The following MYO1C variants were observed in gnomAD, a reference collection of about 807,000 sequenced individuals.
MYO1C encodes the protein myosin IC.
Under a neutral mutation model 150.8 loss-of-function variants are expected in MYO1C, and 104 were observed. That is an observed-to-expected ratio of 0.69 (90% CI 0.59 to 0.81). The LOEUF (loss-of-function observed/expected upper bound fraction) is 0.81. Among genes scored for constraint, MYO1C ranks in the 30% least tolerant of loss-of-function variants. MYO1C has a pLI of 0.00. For synonymous variants in MYO1C, 663 were observed against 579.9 expected (o/e 1.14, Z -2.06); for missense variants, 1,504 against 1,435.0 (o/e 1.05, Z -0.78).
chr17:1,478,871 G>A lies in MYO1C; in HGVS notation c.1093-136C>T, dbSNP rs1220287237. 1.4e-6 allele frequency: 2 copies of A among 1,399,724 alleles called. No individual in the cohort carries two copies. The highest frequency in any genetic ancestry group is 2.0e-6 in the Non-Finnish European group (2 of 1,021,956). The allele number at this position is 1,399,724 out of a possible 1,614,324, so 86.7% of individuals were successfully genotyped here. ...CAGCAAGCCTGCAGTATGGGGAGGG[G>A]TGCTGGTAGTGGGACCTCAGGGAGG... On this transcript the variant is annotated intron_variant, in intron 9 of 31. Coordinates refer to ENST00000648651, the MANE Select transcript of MYO1C (RefSeq NM_001080779.2). The surrounding 1 kb of genome is among the most constrained non-coding windows in gnomAD (Gnocchi z 6.3).
At chr17:1,471,819 G>A (rs2074309049) in intron 19 of MYO1C, 88 bp downstream of exon 19, 28 of 1,397,114 alleles carry the variant, frequency 2.0e-5, no homozygotes, top group Non-Finnish European at 2.8e-5. Flanking sequence ...CTAAAATGGG[G>A]CCGAGAACCC....
intron 24 of MYO1C, 72 bp downstream of exon 24, chr17:1,470,103 T>G: frequency 6.8e-7 from 1 of 1,477,758 alleles, no homozygotes; most frequent in Non-Finnish European, 9.2e-7. Context: ...ACCAATCCTT[T>G]GGCCCGAAGA....
chr17:1,478,471 G>T lies in MYO1C; in HGVS notation c.1234C>A (p.Arg412=). The part of the protein sequence containing the change: ...ASKDVESPSW[R]STTVLGLLDI... ...AGGAGCCCGAGAACCGTGGTGCTCCGCCAGCTGGGGCTCTCCACGTCCTAG... is the reference window on the plus strand; with the variant it reads ...AGGAGCCCGAGAACCGTGGTGCTCCTCCAGCTGGGGCTCTCCACGTCCTAG... Residue 412 remains arginine (R), a synonymous_variant, in exon 11 of 32, where the codon CGG becomes AGG. Transcript: ENST00000648651. This position sits in a 1 kb window ranked among gnomAD's most constrained non-coding sequence, Gnocchi z 6.3. 1 of 1,614,152 alleles carries T rather than the reference G, an allele frequency of 6.2e-7. No homozygotes were observed. The highest frequency in any genetic ancestry group is 8.5e-7 in the Non-Finnish European group (1 of 1,180,046).
Position 1,479,561 on chromosome 17 carries a change from C to G in MYO1C, c.1020+31G>C. 1.5e-6 allele frequency: 2 copies of G among 1,351,842 alleles called. No homozygotes were observed. Among genetic ancestry groups the G allele is most frequent in the Non-Finnish European group, 2.1e-6 (2 of 952,774 alleles). 83.7% of individuals were successfully genotyped at this position (1,351,842 alleles called of 1,614,324 possible). ...CACCCCCAGCCCCCGCCCCCGCCGT[C>G]CTCCCGTCGCCCTCTGCCCGCCCCA... On this transcript the variant is annotated intron_variant, in intron 8 of 31. Coordinates refer to ENST00000648651, the MANE Select transcript of MYO1C (RefSeq NM_001080779.2). This position sits in a 1 kb window ranked among gnomAD's most constrained non-coding sequence, Gnocchi z 4.2.
chr17:1,488,912 T>A (rs2074697944), intron 1 of MYO1C, among the ~76,000 whole-genome samples: 1 of 152,162 alleles, frequency 6.6e-6, no homozygotes, highest in Non-Finnish European at 1.5e-5. Context: ...ACCTGGGCTA[T>A]CTAGTGCCCT....
Position 1,471,222 on chromosome 17 carries a change from C to T in MYO1C, c.2135+1G>A. 6.2e-7 allele frequency: 1 copy of T among 1,613,988 alleles called. No individual in the cohort carries two copies. The highest frequency in any genetic ancestry group is 8.5e-7 in the Non-Finnish European group (1 of 1,179,964). On this transcript the variant is annotated splice_donor_variant, in intron 20 of 31. Coordinates refer to ENST00000648651, the MANE Select transcript of MYO1C (RefSeq NM_001080779.2). LOFTEE classifies it high-confidence loss of function. ...AGGCACCCGGCACGGACACTACCCACCTGCCCATCTTGTACTCTTCTGGCT... is the reference window on the plus strand; with the variant it reads ...AGGCACCCGGCACGGACACTACCCATCTGCCCATCTTGTACTCTTCTGGCT...
At chr17:1,483,762 G>A (rs1411055291) in intron 2 of MYO1C, 37 bp from the exon 3 acceptor site, 1 of 1,509,554 alleles carries the variant, frequency 6.6e-7, no homozygotes, top group Non-Finnish European at 9.1e-7. Flanking sequence ...GTTTATCCCG[G>A]GCCAGGTGCG....
chr17:1,479,677 A>G lies in MYO1C; in HGVS notation c.935T>C (p.Leu312Pro). ...EDLLSIVASV[L>P]HLGNIHFAAN... ...AGCAAAGTGGATGTTGCCCAAATGAAGGACGCTGGCCACGATGCTCAGCAG... is the reference window on the plus strand; with the variant it reads ...AGCAAAGTGGATGTTGCCCAAATGAGGGACGCTGGCCACGATGCTCAGCAG... Residue 312 changes from leucine (L) to proline (P), a missense_variant, in exon 8 of 32, where the codon CTT (leucine) becomes CCT (proline). Leu to Pro is a moderately conservative substitution (Grantham distance 98, BLOSUM62 -3). Coordinates refer to ENST00000648651, the MANE Select transcript of MYO1C (RefSeq NM_001080779.2). This position sits in a 1 kb window ranked among gnomAD's most constrained non-coding sequence, Gnocchi z 4.2. The G allele has an allele frequency of 6.2e-7, 1 of 1,613,096 alleles. No homozygotes were observed. The highest frequency in any genetic ancestry group is 8.5e-7 in the Non-Finnish European group (1 of 1,179,686).
rs199852592 is a variant in MYO1C, at chr17:1,479,483, G to A, written c.1040C>T (p.Ser347Leu). The A allele has an allele frequency of 3.7e-5, 56 of 1,521,956 alleles. 1 individual carries two copies. The African/African-American group carries it at 6.2e-4, about 17-fold the overall frequency. 94.3% of individuals were successfully genotyped at this position (1,521,956 alleles called of 1,614,324 possible). A position where few individuals can be genotyped will look rare whatever the true frequency, so the allele number is the denominator to read the frequency against. Reference protein sequence around the residue: ...YLTRLLSVEGSTLREALTHRK... With the variant: ...YLTRLLSVEGLTLREALTHRK... ...GTGTGTCAGGGCTTCTCGCAGCGTC[G>A]AGCCTTCCACGCTGAGGAGCTGCCA... is the stretch of plus-strand genomic sequence containing the variant. The change falls in exon 9 of 32, where the codon TCG (serine) becomes TTG (leucine). Residue 347 changes from serine to leucine, a missense_variant. Ser to Leu is a moderately radical substitution (Grantham distance 145). Coordinates refer to ENST00000648651, the MANE Select transcript of MYO1C (RefSeq NM_001080779.2). The surrounding 1 kb of genome is among the most constrained non-coding windows in gnomAD (Gnocchi z 4.2).
At chr17:1,486,704 CG>C (rs1315277703) in intron 1 of MYO1C, among the ~76,000 whole-genome samples, 1 of 152,080 alleles carries the variant, frequency 6.6e-6, no homozygotes, top group Admixed American at 6.5e-5. Flanking sequence ...TTAGTAGAGA[CG>C]GGGTTTTACC....
chr17:1,479,726 C>G lies in MYO1C; in HGVS notation c.907-21G>C, dbSNP rs1364327480. ...AGGTCCTGGGGGAGCAGGCCGGGGGCAGGAGGGGGTGAGAGGGGCCAGAGA... is the reference window on the plus strand; with the variant it reads ...AGGTCCTGGGGGAGCAGGCCGGGGGGAGGAGGGGGTGAGAGGGGCCAGAGA... On this transcript the variant is annotated intron_variant, in intron 7 of 31. Transcript: ENST00000648651. The surrounding 1 kb of genome is among the most constrained non-coding windows in gnomAD (Gnocchi z 4.2). The G allele has an allele frequency of 2.5e-6, 4 of 1,581,594 alleles. No individual in the cohort carries two copies. Among genetic ancestry groups the G allele is most frequent in the Non-Finnish European group, 3.4e-6 (4 of 1,159,460 alleles).
At position 1,467,275 on chromosome 17, in the gene MYO1C, G is replaced by C. The variant is rs558540787; in HGVS notation, c.3132C>G (p.Leu1044=). The change falls in exon 31 of 32, where the codon CTC becomes CTG. Residue 1044 remains leucine, a synonymous_variant. Coordinates refer to ENST00000648651, the MANE Select transcript of MYO1C (RefSeq NM_001080779.2). Reference sequence around the variant, plus strand: ...GGTGCCCGTTCTTGGCCTTGGTGATGAGCAGCTCCGAGCCGGGTGTGAAGT... The same window carrying C: ...GGTGCCCGTTCTTGGCCTTGGTGATCAGCAGCTCCGAGCCGGGTGTGAAGT... ...TIDFTPGSEL[L]ITKAKNGHLA... 1.5e-5 allele frequency: 25 copies of C among 1,613,526 alleles called. No individual in the cohort carries two copies. In the South Asian group the frequency reaches 2.7e-4, roughly 18 times the overall value.
At chr17:1,467,175 C>G in intron 31 of MYO1C, 67 bp downstream of exon 31, 1 of 1,465,924 alleles carries the variant, frequency 6.8e-7, no homozygotes, top group Non-Finnish European at 9.3e-7. Context: ...TGGGCTCTGC[C>G]AAGCACAGCC....
At chr17:1,471,696 C>G (rs879710781) in intron 19 of MYO1C, among the ~76,000 whole-genome samples, 2 of 152,288 alleles carry the variant, frequency 1.3e-5, no homozygotes, top group Admixed American at 6.5e-5. Context: ...ACCGGGTGCT[C>G]CTGGAGGGCA....
Position 1,483,639 on chromosome 17 carries a change from G to A in MYO1C, c.318C>T (p.Gly106=), listed in dbSNP as rs1265814858. 5.0e-6 allele frequency: 8 copies of A among 1,612,254 alleles called. No individual in the cohort carries two copies. The highest frequency in any genetic ancestry group is 2.7e-5 in the African/African-American group (2 of 74,886). ...YSRQHMERYR[G]VSFYEVPPHL... ...GAGGGGGCACTTCATAGAAGCTGACGCCACGGTAACGCTCCATATGCTGCC... is the reference window on the plus strand; with the variant it reads ...GAGGGGGCACTTCATAGAAGCTGACACCACGGTAACGCTCCATATGCTGCC... Residue 106 remains glycine (G), a synonymous_variant, in exon 3 of 32, where the codon GGC becomes GGT. Coordinates refer to ENST00000648651, the MANE Select transcript of MYO1C (RefSeq NM_001080779.2).
chr17:1,478,071 C>A lies in MYO1C; in HGVS notation c.1401+16G>T. On this transcript the variant is annotated intron_variant, in intron 12 of 31. Coordinates refer to ENST00000648651, the MANE Select transcript of MYO1C (RefSeq NM_001080779.2). This position sits in a 1 kb window ranked among gnomAD's most constrained non-coding sequence, Gnocchi z 6.3. The stretch of plus-strand genomic sequence containing the variant: ...TCCCCGTGGCCCACGGAGAGTGCCC[C>A]CAGGCTAGCACACACCGCGATGCCC... 1 of 1,613,874 alleles carries A rather than the reference C, an allele frequency of 6.2e-7. No individual in the cohort carries two copies. The highest frequency in any genetic ancestry group is 8.5e-7 in the Non-Finnish European group (1 of 1,179,854).
At position 1,468,052 on chromosome 17, in the gene MYO1C, G is replaced by C. The variant is rs146947050; in HGVS notation, c.2832C>G (p.Pro944=). ...CGTCCTCCACGATGACGACGGCGTT[G>C]GGCGTGAGCAGCAGCTGCCGGGAGC... ...KPRSRQLLLT[P]NAVVIVEDAK... The change falls in exon 28 of 32, where the codon CCC becomes CCG. Residue 944 remains proline, a synonymous_variant. Transcript: ENST00000648651. 63 of 1,613,146 alleles carry C rather than the reference G, an allele frequency of 3.9e-5. No individual in the cohort carries two copies. The African/African-American group carries it at 7.6e-4, about 20-fold the overall frequency.
rs561757667 is a variant in MYO1C, at chr17:1,468,481, C to G, written c.2626G>C (p.Val876Leu). Reference protein sequence around the residue: ...EWKQQLQQKAVASEIFKGKKD... With the variant: ...EWKQQLQQKALASEIFKGKKD... ...TTGCCCTTGAAGATCTCACTAGCCA[C>G]GGCCTTCTGCTGCAGCTGAGGAGAC... Residue 876 changes from valine (V) to leucine (L), a missense_variant, in exon 26 of 32, where the codon GTG (valine) becomes CTG (leucine). By Grantham distance (32) the Val-to-Leu change is conservative. Transcript: ENST00000648651. 1 of 1,613,696 alleles carries G rather than the reference C, an allele frequency of 6.2e-7. No individual in the cohort carries two copies. Among genetic ancestry groups the G allele is most frequent in the Non-Finnish European group, 8.5e-7 (1 of 1,179,812 alleles).
At chr17:1,486,664 C>T (rs568019435) in intron 1 of MYO1C, among the ~76,000 whole-genome samples, 4 of 152,242 alleles carry the variant, frequency 2.6e-5, no homozygotes, top group Non-Finnish European at 4.4e-5. Context: ...TACAGGCGTG[C>T]GCCACCACAC....
Sources: gnomAD v4.1 joint callset for allele counts (sites outside exome capture counted in the v4.1 genomes callset) on GRCh38, gnomAD v4.1.1 for gene constraint, Gnocchi (gnomAD v3.1) non-coding constraint, MANE v1.5 for transcripts, NCBI Gene and HGNC (gene_info 2026-07-23, HGNC 2026-07-21) for gene names.